Variants in SPG11 observed in about 807,000 individuals in gnomAD.
SPG11 encodes the protein SPG11 vesicle trafficking associated, spatacsin.
A neutral mutation model predicts 274.0 loss-of-function variants in SPG11; 222 were observed. That is an observed-to-expected ratio of 0.81 (90% CI 0.73 to 0.91). SPG11 has a LOEUF of 0.91. Among genes scored for constraint, SPG11 ranks in the 40% least tolerant of loss-of-function variants. SPG11 has a pLI of 0.00. For synonymous variants in SPG11, 1,144 were observed against 1,039.7 expected (o/e 1.10, Z -1.93); for missense variants, 3,114 against 2,872.7 (o/e 1.08, Z -1.92).
intron 7 of SPG11, among the ~76,000 whole-genome samples, chr15:44,641,152 G>C (rs927636783): frequency 6.6e-6 from 1 of 152,116 alleles, no homozygotes; most frequent in African/African-American, 2.4e-5. Context: ...ATTTATAGCT[G>C]GGTGTAGTGG....
At chr15:44,659,717 G>A (rs114853283) in intron 2 of SPG11, among the ~76,000 whole-genome samples, 1,840 of 152,302 alleles carry the variant, frequency 0.012, 50 homozygotes, top group African/African-American at 0.042. Flanking sequence ...AGCTCTATAA[G>A]CAGTCTAGAT....
At chr15:44,628,559 C>T in intron 10 of SPG11, 110 bp downstream of exon 10, 3 of 1,079,592 alleles carry the variant, frequency 2.8e-6, no homozygotes, top group Admixed American at 3.5e-5. Context: ...AAACCTTTGC[C>T]AAACATTCTG....
chr15:44,636,662 AAAAAAAAC>A (rs375949647), intron 7 of SPG11, among the ~76,000 whole-genome samples: 20 of 151,426 alleles, frequency 1.3e-4, no homozygotes, highest in African/African-American at 4.4e-4. Flanking sequence ...ACTCTGTCTC[AAAAAAAAC>A]AAAAAAACAA....
chr15:44,645,265 G>A (rs149313741), intron 7 of SPG11, among the ~76,000 whole-genome samples: 92 of 152,190 alleles, frequency 6.0e-4, no homozygotes, highest in Middle Eastern at 6.8e-3. Context: ...TGGTACAAAA[G>A]CAGACACATA....
At chr15:44,611,120 C>CA in intron 17 of SPG11, 135 bp from the exon 18 acceptor site, 1 of 704,258 alleles carries the variant, frequency 1.4e-6, no homozygotes. Flanking sequence ...AAAAAAAGGA[C>CA]TTCCTAAATT....
intron 33 of SPG11, chr15:44,572,434 A>T (rs779175240): frequency 4.1e-5 from 20 of 486,846 alleles, no homozygotes; most frequent in Non-Finnish European, 7.5e-5. Context: ...GCAGGGCAAT[A>T]TAAGAGTGAA....
At chr15:44,594,520 A>C (rs2082983517) in intron 26 of SPG11, among the ~76,000 whole-genome samples, 1 of 149,466 alleles carries the variant, frequency 6.7e-6, no homozygotes. Flanking sequence ...ATGAGGCAGG[A>C]GGATCACTGA....
intron 2 of SPG11, among the ~76,000 whole-genome samples, chr15:44,659,629 A>C (rs1378853529): frequency 6.6e-6 from 1 of 152,234 alleles, no homozygotes; most frequent in African/African-American, 2.4e-5. Flanking sequence ...AAGAAACCTT[A>C]TAATCAAGGG....
intron 2 of SPG11, 92 bp from the exon 3 acceptor site, chr15:44,659,395 A>G: frequency 4.4e-6 from 5 of 1,141,678 alleles, no homozygotes; most frequent in Non-Finnish European, 6.5e-6. Context: ...AAAAAGTAAA[A>G]CAAAAAAGGA....
chr15:44,620,641 A>G (rs2083718407), intron 14 of SPG11: 18 of 447,432 alleles, frequency 4.0e-5, no homozygotes, highest in South Asian at 3.6e-4. Context: ...CTCAAGTGGT[A>G]CTCCTACTTC....
At position 44,592,386 on chromosome 15, in the gene SPG11, C is replaced by G. The variant is rs1567145253; in HGVS notation, c.4688G>C (p.Arg1563Thr). 1 of 1,612,634 alleles carries G rather than the reference C, an allele frequency of 6.2e-7. No individual in the cohort carries two copies. The highest frequency in any genetic ancestry group is 8.5e-7 in the Non-Finnish European group (1 of 1,178,784). The change falls in exon 27 of 40, where the codon AGG becomes ACG. Residue 1563 changes from arginine to threonine, a missense_variant. Transcript: ENST00000261866. ...MEMYELCMFF[R>T]NYKEAEAKLL... The stretch of plus-strand genomic sequence containing the variant: ...TTTAGCTTCAGCTTCTTTATAATTC[C>G]TGAAGAACATACACAGTTCATACAT...
At chr15:44,625,721 C>T (rs1462314936) in intron 11 of SPG11, among the ~76,000 whole-genome samples, 1 of 152,120 alleles carries the variant, frequency 6.6e-6, no homozygotes, top group Non-Finnish European at 1.5e-5. Flanking sequence ...CTCTGTTGCC[C>T]AGGCTGGAAC....
At chr15:44,644,439 C>G (rs905529812) in intron 7 of SPG11, among the ~76,000 whole-genome samples, 5 of 152,076 alleles carry the variant, frequency 3.3e-5, no homozygotes, top group Non-Finnish European at 7.4e-5. Context: ...TATCAAGAGC[C>G]ATTTATGAAA....
At chr15:44,589,056 T>C (rs535063504) in intron 28 of SPG11, among the ~76,000 whole-genome samples, 196 bp downstream of exon 28, 1 of 152,294 alleles carries the variant, frequency 6.6e-6, no homozygotes, top group Non-Finnish European at 1.5e-5. Context: ...GTTATATCAT[T>C]TATGTTTTAT....
chr15:44,588,065 A>T (rs1018284219), intron 28 of SPG11, among the ~76,000 whole-genome samples: 3 of 152,158 alleles, frequency 2.0e-5, no homozygotes, highest in Non-Finnish European at 4.4e-5. Context: ...TGAGCTCAGG[A>T]TTCTGTCAGT....
At position 44,651,569 on chromosome 15, in the gene SPG11, T is replaced by A; in HGVS notation, c.1378A>T (p.Met460Leu). 6.2e-7 allele frequency: 1 copy of A among 1,614,204 alleles called. No individual in the cohort carries two copies. The highest frequency in any genetic ancestry group is 8.5e-7 in the Non-Finnish European group (1 of 1,180,024). The change falls in exon 6 of 40, where the codon ATG becomes TTG. Residue 460 changes from methionine to leucine, a missense_variant. Met to Leu is a conservative substitution (Grantham distance 15, BLOSUM62 2). Coordinates refer to ENST00000261866, the MANE Select transcript of SPG11 (RefSeq NM_025137.4). The part of the protein sequence containing the change: ...ITLWDLETQG[M>L]QCFSLGTKCI... ...TTTGTGCCAAGGGAAAAACACTGCATGCCCTGGGTCTCCAAATCCCAGAGG... is the reference window on the plus strand; with the variant it reads ...TTTGTGCCAAGGGAAAAACACTGCAAGCCCTGGGTCTCCAAATCCCAGAGG...
chr15:44,566,326 A>C (rs2082308475), intron 36 of SPG11, 21 bp from the exon 37 acceptor site: 1 of 1,604,450 alleles, frequency 6.2e-7, no homozygotes, highest in Non-Finnish European at 8.5e-7. Flanking sequence ...AATAAAGAAG[A>C]TTTGCCGAGT....
intron 39 of SPG11, among the ~76,000 whole-genome samples, chr15:44,564,119 A>C (rs2082258984): frequency 6.6e-6 from 1 of 151,994 alleles, no homozygotes; most frequent in Admixed American, 6.6e-5. Flanking sequence ...CAGCCTCCCG[A>C]GTAGCTGGGA....
chr15:44,654,513 T>TA (rs988916170), intron 4 of SPG11, among the ~76,000 whole-genome samples: 5 of 147,846 alleles, frequency 3.4e-5, no homozygotes, highest in East Asian at 4.0e-4. Flanking sequence ...ATCTCAAAAT[T>TA]AAAAAAAAAG....
Sources: gnomAD v4.1 joint callset for allele counts (sites outside exome capture counted in the v4.1 genomes callset) on GRCh38, gnomAD v4.1.1 for gene constraint, MANE v1.5 for transcripts, NCBI Gene and HGNC (gene_info 2026-07-23, HGNC 2026-07-21) for gene names.